SLC12A7: variants seen among roughly 807,000 people sequenced by gnomAD.
SLC12A7 encodes solute carrier family 12 member 7.
In SLC12A7, 100 loss-of-function variants were observed where a neutral mutation model predicts 120.6. The ratio of observed to expected loss-of-function variants is 0.83; its 90% CI spans 0.71 to 0.98. The LOEUF is 0.98. Among genes scored for constraint, SLC12A7 ranks in the 50% least tolerant of loss-of-function variants. The probability of loss-of-function intolerance (pLI) is 0.00; values close to 1 mark genes in which losing one functional copy is unlikely to be tolerated. For synonymous variants in SLC12A7, 760 were observed against 678.0 expected (o/e 1.12, Z -1.88); for missense variants, 1,373 against 1,548.1 (o/e 0.89, Z 1.90).
upstream of SLC12A7, among the ~76,000 whole-genome samples, chr5:1,116,797 C>A (rs912595827): frequency 6.6e-6 from 1 of 152,176 alleles, no homozygotes; most frequent in African/African-American, 2.4e-5. Context: ...CCACCCACCC[C>A]CCGCCAGCTC....
At chr5:1,081,352 C>G (rs1433413973) in intron 9 of SLC12A7, among the ~76,000 whole-genome samples, 1 of 151,810 alleles carries the variant, frequency 6.6e-6, no homozygotes, top group Non-Finnish European at 1.5e-5. Flanking sequence ...CCGGCTGCCC[C>G]CCTCTACAAA....
In SLC12A7 at chr5:1,051,944, C is replaced by G. The variant is rs1735081178; in HGVS notation, c.*416G>C. The G allele has an allele frequency of 1.0e-5, 2 of 195,900 alleles. No homozygotes were observed. 12.1% of individuals were successfully genotyped at this position (195,900 alleles called of 1,614,324 possible). On this transcript the variant is annotated 3_prime_UTR_variant, in exon 24 of 24. Coordinates refer to ENST00000264930, the MANE Select transcript of SLC12A7 (RefSeq NM_006598.3). ...GACGTTTCACCTTCATCATCAGGGA[C>G]AGCTTCAGCTCCGGGTGCTCTTCCA...
chr5:1,065,691 G>A (rs916309877), intron 17 of SLC12A7, among the ~76,000 whole-genome samples: 3 of 152,288 alleles, frequency 2.0e-5, no homozygotes, highest in African/African-American at 4.8e-5. Flanking sequence ...GAGACACAGA[G>A]CAGGTGTGAC....
At chr5:1,145,174 G>A in the SLC12A7 span, among the ~76,000 whole-genome samples, 1 of 152,272 alleles carries the variant, frequency 6.6e-6, no homozygotes. This position sits in a 1 kb window ranked among gnomAD's most constrained non-coding sequence, Gnocchi z 4.4. Context: ...CTCACACTTG[G>A]GTGTGGGGTC....
Position 1,076,827 on chromosome 5 carries a change from G to T in SLC12A7, c.1630-15C>A. On this transcript the variant is annotated splice_polypyrimidine_tract_variant and intron_variant, in intron 12 of 23. Transcript: ENST00000264930. ...TGGCCAAACACCTGCAGGGAGAAGG[G>T]CAGGAAGATGGGGCAGATGACACCA... The T allele has an allele frequency of 3.2e-6, 5 of 1,561,436 alleles. No homozygotes were observed. Among genetic ancestry groups the T allele is most frequent in the South Asian group, 1.1e-5 (1 of 90,176 alleles).
the SLC12A7 span, among the ~76,000 whole-genome samples, chr5:1,153,653 C>T: frequency 6.4e-3 from 978 of 152,306 alleles, 6 homozygotes; most frequent in Middle Eastern, 0.014. Context: ...CCATTTCCCC[C>T]GGAACAAACA....
chr5:1,053,423 T>G lies in SLC12A7; in HGVS notation c.3086A>C (p.Asn1029Thr), dbSNP rs914897225. 1.9e-6 allele frequency: 3 copies of G among 1,613,872 alleles called. No homozygotes were observed. Among genetic ancestry groups the G allele is most frequent in the Non-Finnish European group, 2.5e-6 (3 of 1,180,018 alleles). Residue 1029 changes from asparagine (N) to threonine (T), a missense_variant, in exon 23 of 24, where the codon AAC (asparagine) becomes ACC (threonine). Coordinates refer to ENST00000264930, the MANE Select transcript of SLC12A7 (RefSeq NM_006598.3). ...GACCAGCTGCGCATCCTGGGACTTG[T>G]TGAGGACGACGCCATTGAGCTTCAC... ...TAVKLNGVVL[N>T]KSQDAQLVLL...
chr5:1,102,365 T>A (rs1053538989), intron 1 of SLC12A7, among the ~76,000 whole-genome samples: 4 of 152,166 alleles, frequency 2.6e-5, no homozygotes, highest in Non-Finnish European at 5.9e-5. Flanking sequence ...AATGCCTCCA[T>A]CAGCCTCCCT....
At chr5:1,103,159 G>C (rs1742178345) in intron 1 of SLC12A7, among the ~76,000 whole-genome samples, 1 of 152,164 alleles carries the variant, frequency 6.6e-6, no homozygotes, top group African/African-American at 2.4e-5. Context: ...GGGACACGGG[G>C]GGCTTCAGGC....
chr5:1,101,681 T>G (rs1742034097), intron 1 of SLC12A7, among the ~76,000 whole-genome samples: 1 of 152,214 alleles, frequency 6.6e-6, no homozygotes, highest in Non-Finnish European at 1.5e-5. Context: ...GCAGACACCC[T>G]GTGCAGCCCT....
chr5:1,153,386 G>A, the SLC12A7 span, among the ~76,000 whole-genome samples: 3 of 152,244 alleles, frequency 2.0e-5, no homozygotes, highest in Non-Finnish European at 1.5e-5. Context: ...CCTGAAGCAG[G>A]AAGGACAGAT....
the SLC12A7 span, among the ~76,000 whole-genome samples, chr5:1,125,752 C>T: frequency 1.6e-3 from 247 of 152,058 alleles, no homozygotes; most frequent in African/African-American, 5.6e-3. Context: ...TGGTGAAACC[C>T]CATCTCTACT....
At chr5:1,135,482 G>A in the SLC12A7 span, among the ~76,000 whole-genome samples, 11 of 152,170 alleles carry the variant, frequency 7.2e-5, no homozygotes, top group African/African-American at 1.7e-4. Flanking sequence ...TGTCACCTGC[G>A]GCCCTCGTCC....
chr5:1,054,499 G>T (rs1315004331), intron 22 of SLC12A7, among the ~76,000 whole-genome samples: 1 of 152,178 alleles, frequency 6.6e-6, no homozygotes, highest in Non-Finnish European at 1.5e-5. Context: ...AGGCCACCTG[G>T]GGAAACGCTG....
At chr5:1,078,579 C>T (rs575777287) in intron 11 of SLC12A7, 122 bp downstream of exon 11, 29 of 772,050 alleles carry the variant, frequency 3.8e-5, no homozygotes, top group African/African-American at 2.7e-4. Context: ...GGGACCAGGA[C>T]GCCTTCAGCT....
chr5:1,090,029 T>G (rs560224067), intron 3 of SLC12A7, among the ~76,000 whole-genome samples: 1 of 152,380 alleles, frequency 6.6e-6, no homozygotes, highest in East Asian at 1.9e-4. Flanking sequence ...AAGGTTTTAT[T>G]TGAAGACACT....
intron 15 of SLC12A7, among the ~76,000 whole-genome samples, chr5:1,074,913 G>A (rs2150829904): frequency 6.6e-6 from 1 of 152,272 alleles, no homozygotes; most frequent in Middle Eastern, 3.4e-3. Context: ...CATGCGTGAG[G>A]TGCCTTCCTC....
chr5:1,082,008 CGTCTCGGGTTCTG>C (rs1739181185), intron 8 of SLC12A7, among the ~76,000 whole-genome samples: 1 of 70,270 alleles, frequency 1.4e-5, no homozygotes, highest in Non-Finnish European at 4.5e-5. Context: ...CTGGGCTTCC[CGTCTCGGGTTCTG>C]GAAAGTCCAG....
At chr5:1,094,360 T>C in intron 1 of SLC12A7, 112 bp from the exon 2 acceptor site, 2 of 765,340 alleles carry the variant, frequency 2.6e-6, no homozygotes, top group East Asian at 5.0e-5. Flanking sequence ...CTGTCACCTC[T>C]AAACCATGGC....
Sources: gnomAD v4.1 joint callset for allele counts (sites outside exome capture counted in the v4.1 genomes callset) on GRCh38, gnomAD v4.1.1 for gene constraint, Gnocchi (gnomAD v3.1) non-coding constraint, MANE v1.5 for transcripts, NCBI Gene and HGNC (gene_info 2026-07-23, HGNC 2026-07-21) for gene names.